Variants in POLK observed in about 807,000 individuals in gnomAD.
POLK encodes the protein polymerase (DNA directed) kappa.
POLK carries 76 observed loss-of-function variants against 94.0 expected under a neutral mutation model. That is an observed-to-expected ratio of 0.81 (90% CI 0.67 to 0.98). POLK has a LOEUF of 0.98. POLK is among the 50% of genes least tolerant of loss of function. POLK has a pLI of 0.00. For synonymous variants in POLK, 349 were observed against 325.4 expected (o/e 1.07, Z -0.78); for missense variants, 954 against 1,010.1 (o/e 0.94, Z 0.75).
the POLK span, among the ~76,000 whole-genome samples, chr5:75,606,903 A>G: frequency 2.0e-5 from 3 of 152,122 alleles, no homozygotes; most frequent in Non-Finnish European, 2.9e-5. Context: ...AATTCACACA[A>G]ATGGTATCAT....
In POLK at chr5:75,569,579, G is replaced by A. The variant is rs1437899184; in HGVS notation, c.408+87G>A. The A allele has an allele frequency of 3.5e-6, 4 of 1,130,326 alleles. No individual in the cohort carries two copies. In the East Asian group the frequency reaches 9.7e-5, roughly 27 times the overall value. 70.0% of individuals were successfully genotyped at this position (1,130,326 alleles called of 1,614,324 possible). ...TCATGAAGGGGGAATTCTTTATTGA[G>A]GTCTACCAGTTTGCTGAGTATTTTT... On this transcript the variant is annotated intron_variant, in intron 4 of 14. Coordinates refer to ENST00000241436, the Ensembl canonical transcript of POLK.
intron 1 of POLK, among the ~76,000 whole-genome samples, chr5:75,546,433 C>A (rs1018678417): frequency 3.9e-5 from 6 of 152,032 alleles, no homozygotes; most frequent in Non-Finnish European, 8.8e-5. Context: ...ATAAGTGGAT[C>A]CTCTCAGTTC....
chr5:75,604,276 G>A (rs569918984), downstream of POLK, among the ~76,000 whole-genome samples: 39 of 152,128 alleles, frequency 2.6e-4, no homozygotes, highest in Middle Eastern at 3.4e-3. Context: ...TGGCTTGGGA[G>A]TATTTGGAAG....
rs1386597361 is a variant in POLK at position 75,587,787 on chromosome 5, C to T, written c.1259+729C>T. The stretch of plus-strand genomic sequence containing the variant: ...AATACAAAAATCAGCCCGGTGTGGT[C>T]GCTTAAACTTTAATCCCAGCTACTT... On this transcript the variant is annotated intron_variant, in intron 10 of 14. Transcript: ENST00000241436. 2.0e-5 allele frequency among the ~76,000 whole-genome samples: 3 copies of T among 152,026 alleles called. No homozygotes were observed. The East Asian group carries it at 5.8e-4, about 29-fold the overall frequency.
At chr5:75,558,498 A>G (rs1195106578) in intron 3 of POLK, among the ~76,000 whole-genome samples, 1 of 152,168 alleles carries the variant, frequency 6.6e-6, no homozygotes, top group Non-Finnish European at 1.5e-5. Flanking sequence ...GTTGAAATGA[A>G]GTACTTCCAA....
At chr5:75,554,172 G>A (rs2112670433) in intron 3 of POLK, among the ~76,000 whole-genome samples, 1 of 152,280 alleles carries the variant, frequency 6.6e-6, no homozygotes, top group Non-Finnish European at 1.5e-5. Context: ...AACTGCAGGA[G>A]AAGCTATAAC....
chr5:75,565,534 G>A (rs1358843036), intron 3 of POLK, among the ~76,000 whole-genome samples: 1 of 152,130 alleles, frequency 6.6e-6, no homozygotes, highest in Non-Finnish European at 1.5e-5. Flanking sequence ...TACCTTTAGT[G>A]TTTGATTTTG....
chr5:75,579,119 C>A (rs568099915), intron 6 of POLK, among the ~76,000 whole-genome samples: 4 of 152,148 alleles, frequency 2.6e-5, no homozygotes, highest in Non-Finnish European at 4.4e-5. Flanking sequence ...TGTGAGAAGG[C>A]AGCATTCTTC....
At chr5:75,545,690 TAAG>T (rs1480744393) in intron 1 of POLK, among the ~76,000 whole-genome samples, 10 of 152,312 alleles carry the variant, frequency 6.6e-5, no homozygotes, top group East Asian at 3.9e-4. Context: ...TTCATTGCCT[TAAG>T]AAGGAGATCT....
At chr5:75,590,358 T>C (rs1312220405) in exon 11 of POLK, 1 of 1,586,232 alleles carries the variant, frequency 6.3e-7, no homozygotes, top group Non-Finnish European at 8.6e-7. Context: ...TTCAGTGAGA[T>C]AAATAAAGCG....
chr5:75,551,460 AAC>A (rs559905737), intron 2 of POLK, among the ~76,000 whole-genome samples: 2 of 152,250 alleles, frequency 1.3e-5, no homozygotes, highest in Admixed American at 1.3e-4. Context: ...ATATTTGTAA[AAC>A]ACATATGTGA....
rs1438313449 is a variant in POLK, at chr5:75,584,938, T to A, written c.1226+12T>A. On this transcript the variant is annotated intron_variant, in intron 9 of 14. Coordinates refer to ENST00000241436, the Ensembl canonical transcript of POLK. The stretch of plus-strand genomic sequence containing the variant: ...ACACACCTGACGAGGTATCTATATG[T>A]ATTGTCATTCTGCTTTTTCTTCAGC... The A allele has an allele frequency of 6.5e-7, 1 of 1,545,008 alleles. No homozygotes were observed.
intron 3 of POLK, among the ~76,000 whole-genome samples, chr5:75,558,721 T>TA (rs1390666476): frequency 3.9e-5 from 6 of 152,100 alleles, no homozygotes; most frequent in Non-Finnish European, 5.9e-5. Context: ...ATCAAGGTTT[T>TA]AAAAAAATCA....
upstream of POLK, chr5:75,511,222 C>A (rs767988137): frequency 1.2e-5 from 20 of 1,612,038 alleles, no homozygotes; most frequent in African/African-American, 1.3e-4. Flanking sequence ...GCTCGACAAC[C>A]GAGCAGGAGA....
chr5:75,526,630 G>A (rs1176132509), intron 1 of POLK, among the ~76,000 whole-genome samples: 2 of 141,968 alleles, frequency 1.4e-5, no homozygotes, highest in Non-Finnish European at 3.0e-5. Context: ...CGCCCAGGCT[G>A]GAGTGCAGTG....
intron 3 of POLK, among the ~76,000 whole-genome samples, chr5:75,552,902 T>G (rs1277392334): frequency 2.6e-5 from 4 of 152,192 alleles, no homozygotes; most frequent in Non-Finnish European, 5.9e-5. Context: ...CCAAAGCCTA[T>G]GTTCTTTTTA....
chr5:75,589,440 T>TACACACACACACACACACACAC (rs1772651919), intron 10 of POLK, among the ~76,000 whole-genome samples: 1 of 63,682 alleles, frequency 1.6e-5, no homozygotes, highest in African/African-American at 5.5e-5. Flanking sequence ...CACACACACG[T>TACACACACACACACACACACAC]GGAATATTTC....
intron 1 of POLK, among the ~76,000 whole-genome samples, chr5:75,529,712 C>T (rs1244674233): frequency 6.6e-6 from 1 of 151,976 alleles, no homozygotes; most frequent in African/African-American, 2.4e-5. Context: ...AGGCCAAGTA[C>T]ACAGATTATA....
intron 1 of POLK, among the ~76,000 whole-genome samples, chr5:75,524,313 C>G (rs1397775115): frequency 6.6e-6 from 1 of 152,020 alleles, no homozygotes; most frequent in Non-Finnish European, 1.5e-5. Flanking sequence ...CAGGTGCCTT[C>G]CTTAAATACT....
Sources: gnomAD v4.1 joint callset for allele counts (sites outside exome capture counted in the v4.1 genomes callset) on GRCh38, gnomAD v4.1.1 for gene constraint, MANE v1.5 for transcripts, NCBI Gene and HGNC (gene_info 2026-07-23, HGNC 2026-07-21) for gene names.